SPHKAP: variants seen among roughly 807,000 people sequenced by gnomAD.
SPHKAP encodes SPHK1 interactor, AKAP domain containing.
In SPHKAP, 67 loss-of-function variants were observed where a neutral mutation model predicts 137.5. That is an observed-to-expected ratio of 0.49 (90% CI 0.40 to 0.60). The LOEUF is 0.60. Among genes scored for constraint, SPHKAP ranks in the 20% least tolerant of loss-of-function variants. SPHKAP has a pLI of 0.00. For missense variants in SPHKAP, 2,097 were observed against 2,069.3 expected, an observed-to-expected ratio of 1.01 and a Z score of -0.26; for synonymous variants, 813 against 785.3, an observed-to-expected ratio of 1.04 and a Z score of -0.59.
At chr2:228,003,142 A>G (rs953165676) in intron 7 of SPHKAP, among the ~76,000 whole-genome samples, 16 of 152,200 alleles carry the variant, frequency 1.1e-4, no homozygotes, top group Middle Eastern at 3.2e-3. Context: ...CATTGAATCT[A>G]TAAATTACCT....
intron 1 of SPHKAP, among the ~76,000 whole-genome samples, chr2:228,134,440 T>C (rs1325528939): frequency 2.0e-5 from 3 of 152,156 alleles, no homozygotes; most frequent in South Asian, 2.1e-4. Context: ...TGGAAGTCAC[T>C]TGGCGAAATA....
chr2:228,004,346 C>T (rs191178801), intron 7 of SPHKAP, among the ~76,000 whole-genome samples: 39 of 152,240 alleles, frequency 2.6e-4, no homozygotes, highest in African/African-American at 6.7e-4. Context: ...AGTTTATTTG[C>T]GTAGAGGTGT....
chr2:228,140,104 C>T (rs1699556375), intron 1 of SPHKAP, among the ~76,000 whole-genome samples: 1 of 151,552 alleles, frequency 6.6e-6, no homozygotes. Context: ...ACCACCATGC[C>T]CGGCTAATTT....
At chr2:228,041,907 G>T (rs1695867020) in intron 3 of SPHKAP, among the ~76,000 whole-genome samples, 1 of 152,056 alleles carries the variant, frequency 6.6e-6, no homozygotes, top group Admixed American at 6.6e-5. Flanking sequence ...GTTGTGAATT[G>T]TCAGGTGAGT....
intron 3 of SPHKAP, among the ~76,000 whole-genome samples, chr2:228,051,123 A>G (rs768911911): frequency 6.6e-6 from 1 of 151,952 alleles, no homozygotes; most frequent in Non-Finnish European, 1.5e-5. Flanking sequence ...CACTTTCTCT[A>G]CCTCTTCTCA....
intron 7 of SPHKAP, among the ~76,000 whole-genome samples, chr2:228,008,392 G>T (rs1443664020): frequency 6.6e-6 from 1 of 151,626 alleles, no homozygotes; most frequent in African/African-American, 2.4e-5. Flanking sequence ...TACCTCTCAG[G>T]TTCAAGAGAT....
chr2:228,028,173 CATGAAAT>C (rs1257381653), intron 3 of SPHKAP: 1 of 503,220 alleles, frequency 2.0e-6, no homozygotes, highest in Non-Finnish European at 2.6e-6. Context: ...TATCAGATCT[CATGAAAT>C]AGGAAAAATA....
intron 1 of SPHKAP, among the ~76,000 whole-genome samples, chr2:228,132,733 C>T (rs1467960510): frequency 1.3e-5 from 2 of 151,932 alleles, no homozygotes; most frequent in African/African-American, 2.4e-5. Flanking sequence ...CATGGTGGCT[C>T]ATGCCTGTAA....
At chr2:228,102,951 C>T (rs897937249) in intron 3 of SPHKAP, among the ~76,000 whole-genome samples, 1 of 152,120 alleles carries the variant, frequency 6.6e-6, no homozygotes, top group Non-Finnish European at 1.5e-5. Context: ...GTTTCTTTTG[C>T]CCAGGCTGGC....
chr2:228,029,866 C>T (rs766384590), intron 3 of SPHKAP, among the ~76,000 whole-genome samples: 1 of 152,150 alleles, frequency 6.6e-6, no homozygotes, highest in Non-Finnish European at 1.5e-5. Context: ...CATTACCTTG[C>T]TCCTGGGCAT....
intron 1 of SPHKAP, among the ~76,000 whole-genome samples, chr2:228,172,610 G>A (rs147669857): frequency 4.5e-4 from 69 of 152,220 alleles, no homozygotes; most frequent in African/African-American, 1.5e-3. Context: ...AGGGTAGCTG[G>A]GTCAGGCAGG....
intron 2 of SPHKAP, among the ~76,000 whole-genome samples, chr2:228,114,174 T>C (rs1042237644): frequency 2.0e-5 from 3 of 152,160 alleles, no homozygotes; most frequent in African/African-American, 7.2e-5. Flanking sequence ...TAATAATGAA[T>C]GTTTTGTGTG....
chr2:228,152,512 A>C (rs1050367434), intron 1 of SPHKAP, among the ~76,000 whole-genome samples: 7 of 151,816 alleles, frequency 4.6e-5, no homozygotes, highest in African/African-American at 1.7e-4. Context: ...AATATATCTT[A>C]TTTTGTTTAA....
intron 2 of SPHKAP, among the ~76,000 whole-genome samples, chr2:228,121,259 C>T (rs12986773): frequency 0.092 from 14,048 of 152,224 alleles, 810 homozygotes; most frequent in Middle Eastern, 0.13. Flanking sequence ...CCTGTAATCT[C>T]AGCACTTTGA....
At chr2:228,169,049 T>G (rs4450587) in intron 1 of SPHKAP, among the ~76,000 whole-genome samples, 147,566 of 152,226 alleles carry the variant, frequency 0.97, 71,694 homozygotes, top group Non-Finnish European at 1. Context: ...TTCTATGAAG[T>G]TTGGAAGAGG....
At chr2:228,045,368 A>G (rs80310043) in intron 3 of SPHKAP, among the ~76,000 whole-genome samples, 9,862 of 92,078 alleles carry the variant, frequency 0.11, 1,033 homozygotes, top group Middle Eastern at 0.26. Flanking sequence ...ACAATGATAG[A>G]CTGGATTAAG....
At chr2:228,073,449 G>T (rs1255967264) in intron 3 of SPHKAP, among the ~76,000 whole-genome samples, 2 of 152,188 alleles carry the variant, frequency 1.3e-5, no homozygotes, top group Non-Finnish European at 2.9e-5. Flanking sequence ...TGGGTGTTAG[G>T]TAGGGGATAG....
Position 227,981,612 on chromosome 2 carries a change from C to T in SPHKAP, c.*105G>A. ...TAGCAGATTTTTTTTTATAGTTCTG[C>T]TAATGTGATGTGATGTTTTGAGAAT... On this transcript the variant is annotated 3_prime_UTR_variant, in exon 12 of 12. Coordinates refer to ENST00000392056, the MANE Select transcript of SPHKAP (RefSeq NM_001142644.2). 1 of 1,417,810 alleles carries T rather than the reference C, an allele frequency of 7.1e-7. No homozygotes were observed. Among genetic ancestry groups the T allele is most frequent in the Non-Finnish European group, 9.5e-7 (1 of 1,057,000 alleles). 87.8% of individuals were successfully genotyped at this position (1,417,810 alleles called of 1,614,324 possible).
At chr2:228,180,053 C>A (rs1700855232) in intron 1 of SPHKAP, among the ~76,000 whole-genome samples, 1 of 152,110 alleles carries the variant, frequency 6.6e-6, no homozygotes, top group East Asian at 1.9e-4. Context: ...ACCTTAATGC[C>A]TTTGCGTAAA....
Sources: gnomAD v4.1 joint callset for allele counts (sites outside exome capture counted in the v4.1 genomes callset) on GRCh38, gnomAD v4.1.1 for gene constraint, MANE v1.5 for transcripts, NCBI Gene and HGNC (gene_info 2026-07-23, HGNC 2026-07-21) for gene names.